Variants in MIPOL1 observed in about 807,000 individuals in gnomAD.
The protein encoded by MIPOL1 is mirror-image polydactyly gene 1 protein.
MIPOL1 carries 57 observed loss-of-function variants against 60.9 expected under a neutral mutation model. The ratio of observed to expected loss-of-function variants is 0.94; its 90% CI spans 0.76 to 1.17. The LOEUF is 1.17. Ranked by LOEUF, MIPOL1 falls within the 50% of genes most tolerant of loss-of-function variation. The pLI, the probability that MIPOL1 is intolerant of heterozygous loss-of-function variation, is 0.00. For missense variants in MIPOL1, 551 were observed against 511.6 expected (o/e 1.08, Z -0.74); for synonymous variants, 179 against 168.8 (o/e 1.06, Z -0.47).
chr14:37,227,646 C>CT (rs1403744055), intron 1 of MIPOL1: 4 of 152,180 alleles, frequency 2.6e-5, no homozygotes, highest in African/African-American at 9.7e-5. Context: ...CTGGCAATCT[C>CT]TTTAAGTTGT....
At chr14:37,447,495 G>C (rs555500157) in intron 11 of MIPOL1, among the ~76,000 whole-genome samples, 49 of 152,228 alleles carry the variant, frequency 3.2e-4, no homozygotes, top group African/African-American at 1.1e-3. Context: ...ACTGGTTCTA[G>C]TTCCCTCATT....
At chr14:37,417,293 CA>C (rs966514980) in intron 10 of MIPOL1, among the ~76,000 whole-genome samples, 2 of 152,202 alleles carry the variant, frequency 1.3e-5, no homozygotes, top group Non-Finnish European at 2.9e-5. Context: ...GCTTCCACCA[CA>C]AACTCTTTTC....
intron 11 of MIPOL1, among the ~76,000 whole-genome samples, chr14:37,476,817 G>A (rs2094781552): frequency 1.3e-5 from 2 of 151,218 alleles, no homozygotes; most frequent in African/African-American, 4.9e-5. Flanking sequence ...TATTTTGTTG[G>A]ATTTAATTTG....
chr14:37,465,542 C>CTT (rs2094587719), intron 11 of MIPOL1, among the ~76,000 whole-genome samples: 2 of 152,104 alleles, frequency 1.3e-5, no homozygotes, highest in African/African-American at 4.8e-5. Context: ...GAAAACTGAA[C>CTT]TTTAATGATT....
intron 10 of MIPOL1, among the ~76,000 whole-genome samples, chr14:37,405,152 A>G (rs2093562832): frequency 6.6e-6 from 1 of 152,182 alleles, no homozygotes. Context: ...AAAATGGATC[A>G]AAAGCATTTT....
chr14:37,445,163 A>G (rs1460437883), intron 11 of MIPOL1, among the ~76,000 whole-genome samples: 1 of 152,146 alleles, frequency 6.6e-6, no homozygotes, highest in East Asian at 1.9e-4. Context: ...ACATGATTGT[A>G]TATCTAGAAA....
At chr14:37,479,835 A>C (rs2094834583) in intron 11 of MIPOL1, among the ~76,000 whole-genome samples, 1 of 152,136 alleles carries the variant, frequency 6.6e-6, no homozygotes, top group African/African-American at 2.4e-5. Context: ...ATAATTAAAA[A>C]TCAGAAATGA....
At chr14:37,400,855 A>G (rs1261144529) in intron 10 of MIPOL1, 1 of 152,136 alleles carries the variant, frequency 6.6e-6, no homozygotes, top group African/African-American at 2.4e-5. Context: ...GGGAACCCAT[A>G]CCATCTGATA....
chr14:37,261,972 A>T (rs1006902391), intron 3 of MIPOL1, among the ~76,000 whole-genome samples: 9 of 152,042 alleles, frequency 5.9e-5, no homozygotes, highest in Non-Finnish European at 7.4e-5. Context: ...GATGGTCTAA[A>T]CTTTTATCTT....
At chr14:37,497,700 T>C (rs920941578) in intron 11 of MIPOL1, among the ~76,000 whole-genome samples, 3 of 152,092 alleles carry the variant, frequency 2.0e-5, no homozygotes, top group East Asian at 1.9e-4. Context: ...TACACATACA[T>C]AAGACAATAC....
chr14:37,236,682 T>G (rs554006146), intron 1 of MIPOL1, among the ~76,000 whole-genome samples: 2 of 152,032 alleles, frequency 1.3e-5, no homozygotes, highest in South Asian at 4.2e-4. Flanking sequence ...AGGTGATCTA[T>G]CTGCCTCGGC....
At chr14:37,373,758 G>A (rs551440540) in intron 10 of MIPOL1, among the ~76,000 whole-genome samples, 1 of 152,218 alleles carries the variant, frequency 6.6e-6, no homozygotes, top group Non-Finnish European at 1.5e-5. Flanking sequence ...GTGTATATGT[G>A]CCACATTTTC....
intron 1 of MIPOL1, among the ~76,000 whole-genome samples, chr14:37,208,622 C>T (rs1966480866): frequency 6.6e-6 from 1 of 152,144 alleles, no homozygotes; most frequent in Non-Finnish European, 1.5e-5. Flanking sequence ...GAGACAGGGT[C>T]TCACTATGTC....
At chr14:37,452,967 A>T (rs1404901062) in intron 11 of MIPOL1, among the ~76,000 whole-genome samples, 1 of 152,178 alleles carries the variant, frequency 6.6e-6, no homozygotes, top group African/African-American at 2.4e-5. Flanking sequence ...CCTTCTAAGG[A>T]ATTTCTTTTA....
intron 10 of MIPOL1, among the ~76,000 whole-genome samples, chr14:37,407,568 C>T (rs73267938): frequency 0.022 from 3,400 of 152,134 alleles, 138 homozygotes; most frequent in African/African-American, 0.077. Flanking sequence ...AGACTTATAA[C>T]ACACACCACT....
intron 9 of MIPOL1, among the ~76,000 whole-genome samples, chr14:37,329,795 C>A (rs1050726367): frequency 6.6e-6 from 1 of 152,098 alleles, no homozygotes; most frequent in African/African-American, 2.4e-5. Flanking sequence ...TAAGAAACAT[C>A]TCTGTCCTTT....
chr14:37,426,570 CATATATATATATATAT>C (rs68123796), intron 11 of MIPOL1, among the ~76,000 whole-genome samples: 1 of 85,540 alleles, frequency 1.2e-5, no homozygotes, highest in East Asian at 3.6e-4. Flanking sequence ...TCAAAATATA[CATATATATATATATAT>C]ATATATATAC....
intron 6 of MIPOL1, among the ~76,000 whole-genome samples, chr14:37,274,395 C>T (rs1377674727): frequency 2.6e-5 from 4 of 151,356 alleles, no homozygotes; most frequent in African/African-American, 7.3e-5. Flanking sequence ...TCTCACATCA[C>T]CATCATTACT....
intron 10 of MIPOL1, among the ~76,000 whole-genome samples, chr14:37,390,144 A>T (rs536938394): frequency 5.3e-4 from 81 of 151,958 alleles, no homozygotes; most frequent in Non-Finnish European, 7.9e-4. Context: ...ACTTGAACCT[A>T]GGAGGTGGAG....
Sources: gnomAD v4.1 joint callset for allele counts (sites outside exome capture counted in the v4.1 genomes callset) on GRCh38, gnomAD v4.1.1 for gene constraint, MANE v1.5 for transcripts, NCBI Gene and HGNC (gene_info 2026-07-23, HGNC 2026-07-21) for gene names.